Variants in CLEC16A observed in about 807,000 individuals in gnomAD.
CLEC16A encodes the protein protein CLEC16A.
Under a neutral mutation model 109.5 loss-of-function variants are expected in CLEC16A, and 51 were observed. The observed-to-expected ratio is 0.47, with a 90% CI of 0.37 to 0.59. The LOEUF is 0.59. Among genes scored for constraint, CLEC16A ranks in the 20% least tolerant of loss-of-function variants. CLEC16A has a pLI of 0.00. For synonymous variants in CLEC16A, 673 were observed against 564.2 expected (o/e 1.19, Z -2.73); for missense variants, 1,339 against 1,394.0 (o/e 0.96, Z 0.63).
chr16:11,000,164 T>C (rs1252787402), intron 10 of CLEC16A, among the ~76,000 whole-genome samples: 1 of 152,154 alleles, frequency 6.6e-6, no homozygotes, highest in Non-Finnish European at 1.5e-5. Flanking sequence ...ATCCATGGGT[T>C]CCTTTGGTTC....
At chr16:11,079,020 G>A (rs768851222) in intron 19 of CLEC16A, among the ~76,000 whole-genome samples, 1 of 152,164 alleles carries the variant, frequency 6.6e-6, no homozygotes, top group Non-Finnish European at 1.5e-5. Flanking sequence ...GAGAGGAAGG[G>A]CCTGCGTAAT....
At chr16:11,039,907 GGC>G in intron 14 of CLEC16A, 31 bp downstream of exon 14, 1 of 1,606,780 alleles carries the variant, frequency 6.2e-7, no homozygotes. Flanking sequence ...CTGTCCACAG[GGC>G]CACGCAGTTG....
intron 19 of CLEC16A, among the ~76,000 whole-genome samples, chr16:11,105,838 A>T (rs1019544615): frequency 1.3e-5 from 2 of 152,240 alleles, no homozygotes; most frequent in African/African-American, 4.8e-5. Flanking sequence ...AGCCAGTGAC[A>T]GATTTATCCA....
At chr16:11,165,051 A>G (rs2068198972) in intron 22 of CLEC16A, among the ~76,000 whole-genome samples, 1 of 151,998 alleles carries the variant, frequency 6.6e-6, no homozygotes. Context: ...CTCCACCGCA[A>G]TTTGGGGCTG....
At chr16:11,166,921 C>T (rs547467441) in intron 23 of CLEC16A, among the ~76,000 whole-genome samples, 43 of 152,194 alleles carry the variant, frequency 2.8e-4, no homozygotes, top group African/African-American at 9.2e-4. Context: ...GGAAAAGAAT[C>T]GCGTTCCTGC....
chr16:11,096,792 GT>G (rs1567312685), intron 19 of CLEC16A, among the ~76,000 whole-genome samples: 1 of 152,200 alleles, frequency 6.6e-6, no homozygotes, highest in East Asian at 1.9e-4. Context: ...TTTTGTCCAT[GT>G]ACGTAATCAT....
intron 19 of CLEC16A, among the ~76,000 whole-genome samples, chr16:11,068,384 T>C (rs2048879907): frequency 6.6e-6 from 1 of 152,202 alleles, no homozygotes; most frequent in Non-Finnish European, 1.5e-5. Context: ...AAAACCTAGC[T>C]ATCACCTTGA....
intron 11 of CLEC16A, among the ~76,000 whole-genome samples, chr16:11,019,180 C>CT (rs1351216576): frequency 6.6e-6 from 1 of 152,170 alleles, no homozygotes; most frequent in African/African-American, 2.4e-5. Context: ...GATGTGAACT[C>CT]TGAGTTCCAA....
intron 13 of CLEC16A, among the ~76,000 whole-genome samples, chr16:11,038,311 C>G (rs561828585): frequency 6.6e-6 from 1 of 152,258 alleles, no homozygotes; most frequent in South Asian, 2.1e-4. Context: ...TTAAGAGTTC[C>G]GAGAAGTGCC....
chr16:10,959,334 G>C lies in CLEC16A; in HGVS notation c.209+1424G>C, dbSNP rs145197815. Reference sequence around the variant, plus strand: ...CTATGATCTCCAAAGCAGAACATGCGAGTCATGAATTTGTGTTTATATACA... The same window carrying C: ...CTATGATCTCCAAAGCAGAACATGCCAGTCATGAATTTGTGTTTATATACA... On this transcript the variant is annotated intron_variant, in intron 2 of 23. Coordinates refer to ENST00000409790, the MANE Select transcript of CLEC16A (RefSeq NM_015226.3). Among the ~76,000 whole-genome samples the C allele has an allele frequency of 1.9e-3, 284 of 152,224 alleles. 2 individuals are homozygous for C. Among genetic ancestry groups the C allele is most frequent in the African/African-American group, 6.4e-3 (265 of 41,528 alleles).
Position 11,122,290 on chromosome 16 carries a change from A to G in CLEC16A, c.2269-1452A>G, listed in dbSNP as rs569212486. On this transcript the variant is annotated intron_variant, in intron 20 of 23. Transcript: ENST00000409790. ...ACAAAGTGTGGTGTGAGAAACAACT[A>G]TAGAAGAATCTTTCATTTAAAAGAA... Among the ~76,000 whole-genome samples, 6 of 152,344 alleles carry G rather than the reference A, an allele frequency of 3.9e-5. 1 individual carries two copies. The East Asian group carries it at 1.2e-3, about 29-fold the overall frequency.
Position 11,179,597 on chromosome 16 carries a change from T to G in CLEC16A, c.*907T>G, listed in dbSNP as rs182175429. On this transcript the variant is annotated 3_prime_UTR_variant, in exon 24 of 24. Coordinates refer to ENST00000409790, the MANE Select transcript of CLEC16A (RefSeq NM_015226.3). Reference sequence around the variant, plus strand: ...TCACCAAAACCAAACAGAGACAGCTTCCAGCACCTTCTTCAGTGTTACCAT... The same window carrying G: ...TCACCAAAACCAAACAGAGACAGCTGCCAGCACCTTCTTCAGTGTTACCAT... The G allele has an allele frequency of 6.6e-6, 1 of 152,328 alleles. No individual in the cohort carries two copies. The highest frequency in any genetic ancestry group is 1.9e-4 in the East Asian group (1 of 5,184). The allele number at this position is 152,328 out of a possible 1,614,324, so 9.4% of individuals were successfully genotyped here. A position where few individuals can be genotyped will look rare whatever the true frequency, so the allele number is the denominator to read the frequency against.
chr16:11,117,735 A>C (rs555371775), intron 19 of CLEC16A, among the ~76,000 whole-genome samples: 16 of 152,318 alleles, frequency 1.1e-4, no homozygotes, highest in African/African-American at 3.8e-4. Context: ...TCGGTTAAAC[A>C]ATTTTTAAAT....
chr16:11,041,247 G>T (rs1567232219), intron 14 of CLEC16A: 3 of 152,256 alleles, frequency 2.0e-5, no homozygotes, highest in South Asian at 4.2e-4. Flanking sequence ...ATTCCTTCAG[G>T]ACCTATATAA....
At chr16:11,151,907 C>G (rs2054304746) in intron 22 of CLEC16A, among the ~76,000 whole-genome samples, 1 of 152,118 alleles carries the variant, frequency 6.6e-6, no homozygotes, top group Admixed American at 6.5e-5. Flanking sequence ...GTTCTGAGAG[C>G]TGGAGACGGG....
chr16:11,173,804 C>G (rs915690424), intron 23 of CLEC16A, among the ~76,000 whole-genome samples: 1 of 152,220 alleles, frequency 6.6e-6, no homozygotes. Flanking sequence ...GTTCTTCCGT[C>G]CCCTGAGGCT....
intron 7 of CLEC16A, 142 bp from the exon 8 acceptor site, chr16:10,977,083 G>T (rs2043065623): frequency 1.3e-6 from 1 of 746,380 alleles, no homozygotes; most frequent in Admixed American, 2.8e-5. Flanking sequence ...TATCTCCCCA[G>T]TAGGGGCCAG....
At chr16:11,033,588 C>G (rs2046865153) in intron 13 of CLEC16A, among the ~76,000 whole-genome samples, 1 of 152,268 alleles carries the variant, frequency 6.6e-6, no homozygotes, top group South Asian at 2.1e-4. Flanking sequence ...TATGCAGCAG[C>G]TGATCAGGCT....
At chr16:11,124,834 C>G (rs571824586) in intron 21 of CLEC16A, among the ~76,000 whole-genome samples, 1 of 152,284 alleles carries the variant, frequency 6.6e-6, no homozygotes, top group Non-Finnish European at 1.5e-5. Flanking sequence ...TGTCTGTAAT[C>G]TCAGCACTTC....
Sources: gnomAD v4.1 joint callset for allele counts (sites outside exome capture counted in the v4.1 genomes callset) on GRCh38, gnomAD v4.1.1 for gene constraint, MANE v1.5 for transcripts, NCBI Gene and HGNC (gene_info 2026-07-23, HGNC 2026-07-21) for gene names.